TRIP6: variants seen among roughly 807,000 people sequenced by gnomAD.
TRIP6 encodes thyroid receptor-interacting protein 6.
Under a neutral mutation model 51.9 loss-of-function variants are expected in TRIP6, and 33 were observed. That is an observed-to-expected ratio of 0.64 (90% CI 0.48 to 0.85). The LOEUF (loss-of-function observed/expected upper bound fraction) is 0.85. Ranked by LOEUF, TRIP6 falls within the 40% of genes least tolerant of loss-of-function variation. TRIP6 has a pLI of 0.00. For missense variants in TRIP6, 661 were observed against 652.1 expected (o/e 1.01, Z -0.15); for synonymous variants, 255 against 275.8 (o/e 0.92, Z 0.75).
rs1332752888 is a variant in TRIP6 at position 100,871,778 on chromosome 7, C to T, written c.1178+57C>T. Reference sequence around the variant, plus strand: ...GTCTGACCTTTCCTGTCTCTCTCATCTCTTCATGCCCCAGGACTGTCTCTT... The same window carrying T: ...GTCTGACCTTTCCTGTCTCTCTCATTTCTTCATGCCCCAGGACTGTCTCTT... On this transcript the variant is annotated intron_variant, in intron 7 of 8. Transcript: ENST00000200457. The T allele has an allele frequency of 8.7e-5, 138 of 1,579,178 alleles. 1 individual carries two copies. The highest frequency in any genetic ancestry group is 1.2e-4 in the Non-Finnish European group (138 of 1,157,680).
intron 6 of TRIP6, among the ~76,000 whole-genome samples, chr7:100,871,337 A>AT (rs1815263852): frequency 6.6e-6 from 1 of 152,108 alleles, no homozygotes. Context: ...ACCCAGCCTG[A>AT]TTCCTGTTTT....
chr7:100,867,697 C>T lies in TRIP6; in HGVS notation c.109+91C>T. On this transcript the variant is annotated intron_variant, in intron 1 of 8. Coordinates refer to ENST00000200457, the MANE Select transcript of TRIP6 (RefSeq NM_003302.3). This position sits in a 1 kb window ranked among gnomAD's most constrained non-coding sequence, Gnocchi z 5.4. ...CAGCCTCCCGCCCTGGCTGCTTCCT[C>T]CTGCCCCTTCCCCAAGCCGAGGCGG... 5 of 1,540,974 alleles carry T rather than the reference C, an allele frequency of 3.2e-6. No individual in the cohort carries two copies. The South Asian group carries it at 5.9e-5, about 18-fold the overall frequency.
intron 7 of TRIP6, among the ~76,000 whole-genome samples, chr7:100,871,931 G>A (rs984487022): frequency 1.3e-5 from 2 of 152,076 alleles, no homozygotes; most frequent in Admixed American, 1.3e-4. Flanking sequence ...CAACTCCTGG[G>A]CTCAAGTGAT....
At position 100,867,995 on chromosome 7, in the gene TRIP6, C is replaced by G. The variant is rs2115613441; in HGVS notation, c.237+7C>G. On this transcript the variant is annotated splice_region_variant and intron_variant, in intron 2 of 8. Transcript: ENST00000200457. The surrounding 1 kb of genome is among the most constrained non-coding windows in gnomAD (Gnocchi z 5.4). ...AGTACTCCAGCACACGCAGGTGAGA[C>G]CCGGGATCGTGGGGTGGGACATGTG... 6.6e-7 allele frequency: 1 copy of G among 1,515,406 alleles called. No individual in the cohort carries two copies. Among genetic ancestry groups the G allele is most frequent in the Non-Finnish European group, 8.8e-7 (1 of 1,133,130 alleles). 93.9% of individuals were successfully genotyped at this position (1,515,406 alleles called of 1,614,324 possible). A position where few individuals can be genotyped will look rare whatever the true frequency, so the allele number is the denominator to read the frequency against.
In TRIP6 at chr7:100,873,235, A is replaced by G. The variant is rs1815315186; in HGVS notation, c.1363A>G (p.Ile455Val). The change falls in exon 9 of 9, where the codon ATC becomes GTC. Residue 455 changes from isoleucine (I) to valine (V), a missense_variant. Ile to Val is a conservative substitution (Grantham distance 29). Transcript: ENST00000200457. ...CQGCYPLDGH[I>V]LCKACSAWRI... ...GGGCTGCTACCCGCTGGATGGGCACATCTTGTGCAAGGCCTGCAGCGCCTG... is the reference window on the plus strand; with the variant it reads ...GGGCTGCTACCCGCTGGATGGGCACGTCTTGTGCAAGGCCTGCAGCGCCTG... 1 of 1,613,838 alleles carries G rather than the reference A, an allele frequency of 6.2e-7. No individual in the cohort carries two copies. The highest frequency in any genetic ancestry group is 8.5e-7 in the Non-Finnish European group (1 of 1,179,806).
chr7:100,870,439 C>T lies in TRIP6; in HGVS notation c.805C>T (p.His269Tyr). The T allele has an allele frequency of 6.2e-7, 1 of 1,613,498 alleles. No individual in the cohort carries two copies. The highest frequency in any genetic ancestry group is 8.5e-7 in the Non-Finnish European group (1 of 1,179,958). ...LTKKLVHDMN[H>Y]PPSGEYFGQC... The stretch of plus-strand genomic sequence containing the variant: ...GAAGAAGCTGGTTCACGACATGAAC[C>T]ACCCGCCCAGCGGGGAGTACTTTGG... The change falls in exon 5 of 9, where the codon CAC becomes TAC. Residue 269 changes from histidine (H) to tyrosine (Y), a missense_variant. His to Tyr is a moderately conservative substitution (Grantham distance 83). Coordinates refer to ENST00000200457, the MANE Select transcript of TRIP6 (RefSeq NM_003302.3).
At chr7:100,869,351 G>A (rs567852910) in intron 4 of TRIP6, among the ~76,000 whole-genome samples, 67 of 151,514 alleles carry the variant, frequency 4.4e-4, no homozygotes, top group Non-Finnish European at 8.1e-4. Context: ...TGCCCATTGG[G>A]GCTGAGCGCG....
Position 100,873,356 on chromosome 7 carries a change from TG to T in TRIP6, c.*54del. On this transcript the variant is annotated 3_prime_UTR_variant, in exon 9 of 9. Coordinates refer to ENST00000200457, the MANE Select transcript of TRIP6 (RefSeq NM_003302.3). ...TCAGTTCCAGTTCCCATCCTTTGAT[TG>T]ATCACTCTCCCTGACATCCACCTGT... The T allele has an allele frequency of 6.4e-7, 1 of 1,562,488 alleles. No individual in the cohort carries two copies. The highest frequency in any genetic ancestry group is 8.7e-7 in the Non-Finnish European group (1 of 1,148,560).
intron 7 of TRIP6, 46 bp downstream of exon 7, chr7:100,871,767 GTCTC>G: frequency 6.3e-7 from 1 of 1,595,068 alleles, no homozygotes; most frequent in African/African-American, 1.3e-5. Context: ...GACCTTTCCT[GTCTC>G]TCTCATCTCT....
In TRIP6 at chr7:100,868,480, T is replaced by C; in HGVS notation, c.364-15T>C. ...GGGTCCTTGCTTACGACTTCTGGCCTGCGTTTCTCCTCAGGCATATGAGCC... is the reference window on the plus strand; with the variant it reads ...GGGTCCTTGCTTACGACTTCTGGCCCGCGTTTCTCCTCAGGCATATGAGCC... On this transcript the variant is annotated splice_polypyrimidine_tract_variant and intron_variant, in intron 3 of 8. Transcript: ENST00000200457. 1.2e-6 allele frequency: 2 copies of C among 1,613,026 alleles called. No individual in the cohort carries two copies. The highest frequency in any genetic ancestry group is 1.7e-6 in the Non-Finnish European group (2 of 1,179,996).
Position 100,868,707 on chromosome 7 carries a change from T to C in TRIP6, c.576T>C (p.Ser192=). ...GPPRRGASQA[S]GPLPGPHFPL... is the part of the protein sequence containing the mutation. ...CCAGGCGGGGAGCCTCTCAGGCCTC[T>C]GGGCCCCTCCCGGGCCCCCACTTTC... is the stretch of plus-strand genomic sequence containing the variant. The change falls in exon 4 of 9, where the codon TCT becomes TCC. Residue 192 remains serine, a synonymous_variant. Coordinates refer to ENST00000200457, the MANE Select transcript of TRIP6 (RefSeq NM_003302.3). 6.3e-7 allele frequency: 1 copy of C among 1,583,048 alleles called. No homozygotes were observed. Among genetic ancestry groups the C allele is most frequent in the African/African-American group, 1.4e-5 (1 of 73,686 alleles).
At position 100,872,703 on chromosome 7, in the gene TRIP6, G is replaced by A. The variant is rs749909764; in HGVS notation, c.1258G>A (p.Ala420Thr). The A allele has an allele frequency of 5.6e-6, 9 of 1,614,040 alleles. No individual in the cohort carries two copies. The African/African-American group carries it at 1.1e-4, about 19-fold the overall frequency. Reference sequence around the variant, plus strand: ...TCAGGAGGAGACTGTGAGAATTGTTGCTCTGGATCGAAGTTTTCACATTGG... The same window carrying A: ...TCAGGAGGAGACTGTGAGAATTGTTACTCTGGATCGAAGTTTTCACATTGG... ...PGQEETVRIV[A>T]LDRSFHIGCY... The change falls in exon 8 of 9, where the codon GCT becomes ACT. Residue 420 changes from alanine to threonine, a missense_variant. Coordinates refer to ENST00000200457, the MANE Select transcript of TRIP6 (RefSeq NM_003302.3).
chr7:100,871,716 TCA>T lies in TRIP6; in HGVS notation c.1176_1177del (p.His392GlnfsTer17). On this transcript the variant is annotated frameshift_variant, in exon 7 of 9. Transcript: ENST00000200457. LOFTEE classifies it high-confidence loss of function. ...GCCAGATCCACTGCATTGAGGACTTTCACAGGTCAGGCCTGGCCTCCACCTTG... is the reference window on the plus strand; with the variant it reads ...GCCAGATCCACTGCATTGAGGACTTTCAGGTCAGGCCTGGCCTCCACCTTG... ...TSQIHCIEDFHRKFAPRCSVC... is the reference protein window; with the variant it reads ...TSQIHCIEDFXRKFAPRCSVC... 1 of 1,613,836 alleles carries T rather than the reference TCA, an allele frequency of 6.2e-7. No individual in the cohort carries two copies. Among genetic ancestry groups the T allele is most frequent in the African/African-American group, 1.3e-5 (1 of 75,070 alleles).
chr7:100,868,351 A>C, intron 3 of TRIP6, 118 bp downstream of exon 3: 1 of 1,566,632 alleles, frequency 6.4e-7, no homozygotes, highest in Non-Finnish European at 8.7e-7. Context: ...GCGTGGCTGC[A>C]AGTACCAACA....
Position 100,873,257 on chromosome 7 carries a change from C to T in TRIP6, c.1385C>T (p.Ala462Val), listed in dbSNP as rs1307496253. 1.9e-6 allele frequency: 3 copies of T among 1,613,222 alleles called. No homozygotes were observed. The East Asian group carries it at 6.7e-5, about 36-fold the overall frequency. The change falls in exon 9 of 9, where the codon GCC becomes GTC. Residue 462 changes from alanine (A) to valine (V), a missense_variant. Ala to Val is a moderately conservative substitution (Grantham distance 64). Coordinates refer to ENST00000200457, the MANE Select transcript of TRIP6 (RefSeq NM_003302.3). ...CACATCTTGTGCAAGGCCTGCAGCG[C>T]CTGGCGCATCCAGGAGCTCTCAGCC... ...DGHILCKACS[A>V]WRIQELSATV...
intron 7 of TRIP6, among the ~76,000 whole-genome samples, chr7:100,872,009 CTTCG>C (rs1815283451): frequency 7.1e-6 from 1 of 141,478 alleles, no homozygotes; most frequent in Non-Finnish European, 1.5e-5. Flanking sequence ...GGCTAGTTTT[CTTCG>C]TTTTTTTTTT....
chr7:100,871,985 A>G (rs1301281949), intron 7 of TRIP6, among the ~76,000 whole-genome samples: 2 of 145,774 alleles, frequency 1.4e-5, no homozygotes, highest in Non-Finnish European at 3.0e-5. Flanking sequence ...ACGGGTGCAC[A>G]CGCCACCATG....
rs1167752562 is a variant in TRIP6, at chr7:100,868,719, G to A, written c.588G>A (p.Pro196=). 10 of 1,569,052 alleles carry A rather than the reference G, an allele frequency of 6.4e-6. No individual in the cohort carries two copies. Among genetic ancestry groups the A allele is most frequent in the East Asian group, 2.3e-5 (1 of 44,238 alleles). Residue 196 remains proline (P), a synonymous_variant, in exon 4 of 9, where the codon CCG becomes CCA. Coordinates refer to ENST00000200457, the MANE Select transcript of TRIP6 (RefSeq NM_003302.3). ...CCTCTCAGGCCTCTGGGCCCCTCCCGGGCCCCCACTTTCCTCTCCCAGGCC... is the reference window on the plus strand; with the variant it reads ...CCTCTCAGGCCTCTGGGCCCCTCCCAGGCCCCCACTTTCCTCTCCCAGGCC... ...RGASQASGPL[P]GPHFPLPGRG... is the part of the protein sequence containing the mutation.
Position 100,867,424 on chromosome 7 carries a change from C to A in TRIP6, c.-74C>A. ...CTTTTCTGGAGTCCCAAACGAGGTG[C>A]GGGACGGAAGAGGGGGTGAAGGCCA... is the stretch of plus-strand genomic sequence containing the variant. On this transcript the variant is annotated 5_prime_UTR_variant, in exon 1 of 9. Coordinates refer to ENST00000200457, the MANE Select transcript of TRIP6 (RefSeq NM_003302.3). The surrounding 1 kb of genome is among the most constrained non-coding windows in gnomAD (Gnocchi z 5.4). 9.0e-7 allele frequency: 1 copy of A among 1,107,956 alleles called. No individual in the cohort carries two copies. The highest frequency in any genetic ancestry group is 1.2e-6 in the Non-Finnish European group (1 of 816,370). The allele number at this position is 1,107,956 out of a possible 1,614,324, so 68.6% of individuals were successfully genotyped here. A position where few individuals can be genotyped will look rare whatever the true frequency, so the allele number is the denominator to read the frequency against.
Sources: allele counts gnomAD v4.1 joint callset (sites outside exome capture counted in the v4.1 genomes callset), GRCh38; gene constraint gnomAD v4.1.1; non-coding constraint Gnocchi (gnomAD v3.1); transcripts MANE v1.5; gene names NCBI Gene and HGNC (gene_info 2026-07-23, HGNC 2026-07-21).